The following ARHGEF26 variants were observed in gnomAD, a reference collection of about 807,000 sequenced individuals.
ARHGEF26 encodes Rho guanine nucleotide exchange factor 26, also known as Rho guanine nucleotide exchange factor (GEF) 26.
ARHGEF26 carries 59 observed loss-of-function variants against 89.4 expected under a neutral mutation model. The ratio of observed to expected loss-of-function variants is 0.66; its 90% CI spans 0.54 to 0.82. The LOEUF (loss-of-function observed/expected upper bound fraction) is 0.82. Ranked by LOEUF, ARHGEF26 falls within the 40% of genes least tolerant of loss-of-function variation. The probability of loss-of-function intolerance (pLI) is 0.00; values close to 1 mark genes in which losing one functional copy is unlikely to be tolerated. For missense variants in ARHGEF26, 1,234 were observed against 1,085.6 expected, an observed-to-expected ratio of 1.14 and a Z score of -1.92; for synonymous variants, 500 against 428.4, an observed-to-expected ratio of 1.17 and a Z score of -2.06.
intron 10 of ARHGEF26, among the ~76,000 whole-genome samples, 162 bp downstream of exon 10, chr3:154,218,120 G>A (rs536406899): frequency 3.3e-5 from 5 of 152,090 alleles, no homozygotes; most frequent in Non-Finnish European, 5.9e-5. Context: ...GCTTTTGCTT[G>A]TACCAGACAG....
At chr3:154,172,025 T>C (rs1005659803) in intron 6 of ARHGEF26, among the ~76,000 whole-genome samples, 1 of 152,186 alleles carries the variant, frequency 6.6e-6, no homozygotes, top group Non-Finnish European at 1.5e-5. Context: ...TTAAGAATGG[T>C]TTCAATCTCT....
chr3:154,154,892 A>G (rs2108104155), intron 6 of ARHGEF26, among the ~76,000 whole-genome samples: 1 of 152,090 alleles, frequency 6.6e-6, no homozygotes, highest in East Asian at 1.9e-4. Flanking sequence ...TTGTGCTTAC[A>G]CCCTGCTATA....
In ARHGEF26 at chr3:154,239,260, GGGAGAGAGAGA is replaced by G. The variant is rs779962585; in HGVS notation, c.2091-1108_2091-1098del. Reference sequence around the variant, plus strand: ...TTGATGTAAATGACCGAGAGAGAGAGGGAGAGAGAGAGAGAGAGAGAGAGAGAGAGAGAGAG... The same window carrying G: ...TTGATGTAAATGACCGAGAGAGAGAGGAGAGAGAGAGAGAGAGAGAGAGAG... On this transcript the variant is annotated intron_variant, in intron 11 of 14. Transcript: ENST00000465093. Among the ~76,000 whole-genome samples the G allele has an allele frequency of 6.3e-4, 73 of 115,854 alleles. 3 individuals are homozygous for G. The highest frequency in any genetic ancestry group is 9.5e-4 in the South Asian group (3 of 3,152). The allele number at this position is 115,854 out of a possible 152,430, so 76.0% of individuals were successfully genotyped here. A position where few individuals can be genotyped will look rare whatever the true frequency, so the allele number is the denominator to read the frequency against.
intron 10 of ARHGEF26, among the ~76,000 whole-genome samples, chr3:154,224,405 C>G (rs1716341862): frequency 6.6e-6 from 1 of 152,148 alleles, no homozygotes; most frequent in African/African-American, 2.4e-5. Context: ...GCTTTAAAAA[C>G]AATAAAACAA....
chr3:154,227,764 A>T (rs145319968), intron 11 of ARHGEF26, among the ~76,000 whole-genome samples: 28 of 152,278 alleles, frequency 1.8e-4, no homozygotes, highest in African/African-American at 6.5e-4. Context: ...CCAGCTGTTG[A>T]AATATTTGTT....
chr3:154,253,060 T>C, intron 12 of ARHGEF26, 56 bp from the exon 13 acceptor site: 4 of 1,594,146 alleles, frequency 2.5e-6, no homozygotes, highest in Non-Finnish European at 3.4e-6. Context: ...TAGAAAACAC[T>C]CCATTCTGTG....
Position 154,122,685 on chromosome 3 carries a change from T to G in ARHGEF26, c.693T>G (p.Pro231=), listed in dbSNP as rs771168802. ...AGGAGAACGAGCTCCTCGAGAATCC[T>G]TCCGTGGTTTTGAGTACAAACAGCC... ...PSQENELLEN[P]SVVLSTNSPA... The change falls in exon 2 of 15, where the codon CCT becomes CCG. Residue 231 remains proline (P), a synonymous_variant. Coordinates refer to ENST00000465093, the MANE Select transcript of ARHGEF26 (RefSeq NM_015595.4). 2 of 1,613,834 alleles carry G rather than the reference T, an allele frequency of 1.2e-6. No individual in the cohort carries two copies. The highest frequency in any genetic ancestry group is 1.7e-6 in the Non-Finnish European group (2 of 1,179,824).
intron 9 of ARHGEF26, among the ~76,000 whole-genome samples, chr3:154,212,015 G>A (rs545735706): frequency 8.5e-5 from 13 of 152,170 alleles, no homozygotes; most frequent in East Asian, 1.9e-4. Context: ...CTGTAAGAAC[G>A]TATTTAAGTT....
chr3:154,222,123 G>A (rs1038062306), intron 10 of ARHGEF26, among the ~76,000 whole-genome samples: 1 of 152,070 alleles, frequency 6.6e-6, no homozygotes, highest in East Asian at 1.9e-4. Flanking sequence ...ACACCAAGAC[G>A]TTATAAAGTC....
chr3:154,223,654 A>G (rs1326753389), intron 10 of ARHGEF26, among the ~76,000 whole-genome samples: 1 of 152,222 alleles, frequency 6.6e-6, no homozygotes, highest in Non-Finnish European at 1.5e-5. Flanking sequence ...CCATAGAGTT[A>G]GAAAGTAGAT....
chr3:154,202,875 C>T (rs548107355), intron 9 of ARHGEF26, among the ~76,000 whole-genome samples: 36 of 152,162 alleles, frequency 2.4e-4, no homozygotes, highest in Non-Finnish European at 3.8e-4. Context: ...CTGAAGTTGC[C>T]TATCAGCTTA....
chr3:154,124,303 A>G, intron 2 of ARHGEF26, 107 bp from the exon 3 acceptor site: 1 of 765,368 alleles, frequency 1.3e-6, no homozygotes, highest in South Asian at 1.8e-5. Flanking sequence ...TGTAATGACT[A>G]AAAAAAAGTA....
intron 11 of ARHGEF26, among the ~76,000 whole-genome samples, chr3:154,228,560 T>G (rs186972792): frequency 6.6e-6 from 1 of 152,076 alleles, no homozygotes; most frequent in Non-Finnish European, 1.5e-5. Context: ...ATTTTTTTTT[T>G]GCCTTACCAA....
intron 10 of ARHGEF26, among the ~76,000 whole-genome samples, chr3:154,224,209 A>G (rs1197025388): frequency 6.6e-6 from 1 of 152,178 alleles, no homozygotes; most frequent in Non-Finnish European, 1.5e-5. Context: ...TTCTTTAATA[A>G]AACCTATCTG....
At chr3:154,245,242 G>A (rs993916754) in intron 12 of ARHGEF26, among the ~76,000 whole-genome samples, 1 of 151,988 alleles carries the variant, frequency 6.6e-6, no homozygotes, top group Non-Finnish European at 1.5e-5. Context: ...TGGCCAGGCT[G>A]GTCTCAAAAC....
chr3:154,136,347 G>A (rs1218624486), intron 4 of ARHGEF26, among the ~76,000 whole-genome samples: 1 of 95,154 alleles, frequency 1.1e-5, no homozygotes, highest in African/African-American at 3.7e-5. Context: ...TTTCAGCTCT[G>A]TGCTAAGTGT....
chr3:154,187,244 C>T (rs994947022), intron 6 of ARHGEF26: 1 of 978,612 alleles, frequency 1.0e-6, no homozygotes, highest in Non-Finnish European at 1.2e-6. Context: ...TGTATTTTTC[C>T]ATACAATAAA....
chr3:154,256,548 T>TTAAAAA lies in ARHGEF26; in HGVS notation c.*1075_*1076insTAAAAA. The TTAAAAA allele has an allele frequency of 1.5e-6, 1 of 651,434 alleles. No homozygotes were observed. Among genetic ancestry groups the TTAAAAA allele is most frequent in the Non-Finnish European group, 1.7e-6 (1 of 578,422 alleles). 40.4% of individuals were successfully genotyped at this position (651,434 alleles called of 1,614,324 possible). On this transcript the variant is annotated 3_prime_UTR_variant, in exon 15 of 15. Transcript: ENST00000465093. ...GTGCCCAGCCTACTTTCTAATTAAT[T>TTAAAAA]AAAAAAAAAAAAAAAAAAAAAAAAA...
At chr3:154,206,243 A>G (rs533435490) in intron 9 of ARHGEF26, among the ~76,000 whole-genome samples, 2 of 152,168 alleles carry the variant, frequency 1.3e-5, no homozygotes, top group South Asian at 4.1e-4. Context: ...TTCCACTGAA[A>G]AGTCTGCTGC....
Sources: allele counts gnomAD v4.1 joint callset (sites outside exome capture counted in the v4.1 genomes callset), GRCh38; gene constraint gnomAD v4.1.1; transcripts MANE v1.5; gene names NCBI Gene and HGNC (gene_info 2026-07-23, HGNC 2026-07-21).